KCNN2: variants seen among roughly 807,000 people sequenced by gnomAD.
KCNN2 encodes potassium calcium-activated channel subfamily N member 2, also known as small conductance calcium-activated potassium channel protein 2.
In KCNN2, 24 loss-of-function variants were observed where a neutral mutation model predicts 55.5. That is an observed-to-expected ratio of 0.43 (90% CI 0.31 to 0.61). The LOEUF (loss-of-function observed/expected upper bound fraction) is 0.61. KCNN2 is among the 20% of genes least tolerant of loss of function. The probability of loss-of-function intolerance (pLI) is 0.08; values close to 1 mark genes in which losing one functional copy is unlikely to be tolerated. For missense variants in KCNN2, 754 were observed against 853.6 expected (o/e 0.88, Z 1.45); for synonymous variants, 431 against 336.1 (o/e 1.28, Z -3.09).
chr5:114,328,046 T>C (rs754915753), intron 2 of KCNN2, among the ~76,000 whole-genome samples: 10 of 152,230 alleles, frequency 6.6e-5, no homozygotes, highest in Non-Finnish European at 1.3e-4. Context: ...CATTAGTAAA[T>C]GTTATGTACT....
intron 2 of KCNN2, among the ~76,000 whole-genome samples, chr5:114,394,172 A>G (rs946266008): frequency 1.3e-5 from 2 of 152,192 alleles, no homozygotes. Flanking sequence ...TTAACATGTA[A>G]TAAAACTTTT....
chr5:114,477,450 C>T (rs1561408933), intron 5 of KCNN2, among the ~76,000 whole-genome samples: 2 of 152,086 alleles, frequency 1.3e-5, no homozygotes, highest in Admixed American at 1.3e-4. Flanking sequence ...TACATCAGCA[C>T]TGAGAAGATT....
chr5:114,113,535 T>A (rs922709634), intron 1 of KCNN2, among the ~76,000 whole-genome samples: 1 of 152,066 alleles, frequency 6.6e-6, no homozygotes, highest in Non-Finnish European at 1.5e-5. Flanking sequence ...AAATTTTATC[T>A]GACGTTAGCT....
At chr5:114,393,885 C>G (rs1032295191) in intron 2 of KCNN2, among the ~76,000 whole-genome samples, 1 of 151,748 alleles carries the variant, frequency 6.6e-6, no homozygotes, top group African/African-American at 2.4e-5. Flanking sequence ...TATGGCCATT[C>G]ATAATTCATT....
At chr5:114,073,463 A>G (rs1421806592) in intron 1 of KCNN2, among the ~76,000 whole-genome samples, 6 of 152,172 alleles carry the variant, frequency 3.9e-5, no homozygotes, top group Non-Finnish European at 4.4e-5. Context: ...TTTTGCTATT[A>G]TAGCTTATTG....
chr5:114,140,238 A>G (rs1320913662), intron 1 of KCNN2, among the ~76,000 whole-genome samples: 1 of 152,200 alleles, frequency 6.6e-6, no homozygotes, highest in Non-Finnish European at 1.5e-5. Flanking sequence ...TCTTGATATT[A>G]ATATCTTTGA....
chr5:114,354,924 A>G (rs1561582319), intron 2 of KCNN2, among the ~76,000 whole-genome samples: 1 of 152,210 alleles, frequency 6.6e-6, no homozygotes, highest in African/African-American at 2.4e-5. Flanking sequence ...CCATAAGACA[A>G]AACAGCAGTA....
chr5:114,253,752 T>A (rs1230916728), intron 2 of KCNN2: 1 of 152,240 alleles, frequency 6.6e-6, no homozygotes, highest in African/African-American at 2.4e-5. Flanking sequence ...TTTACATTAT[T>A]GTCTCTTCTC....
intron 2 of KCNN2, among the ~76,000 whole-genome samples, chr5:114,338,332 C>G (rs570276789): frequency 6.6e-6 from 1 of 152,122 alleles, no homozygotes; most frequent in Non-Finnish European, 1.5e-5. Flanking sequence ...AATATGTACA[C>G]GTATGTAGGG....
chr5:114,329,375 A>T (rs921880964), intron 2 of KCNN2, among the ~76,000 whole-genome samples: 1 of 152,188 alleles, frequency 6.6e-6, no homozygotes, highest in Non-Finnish European at 1.5e-5. Context: ...GGCATCATCT[A>T]ATCAGCTGCC....
intron 2 of KCNN2, among the ~76,000 whole-genome samples, chr5:114,288,379 CTG>C: frequency 6.6e-6 from 1 of 152,046 alleles, no homozygotes; most frequent in Non-Finnish European, 1.5e-5. Context: ...TGTGGAAATT[CTG>C]TGTTAAACTT....
intron 3 of KCNN2, among the ~76,000 whole-genome samples, chr5:114,428,389 C>T (rs931631345): frequency 6.6e-6 from 1 of 152,070 alleles, no homozygotes; most frequent in Non-Finnish European, 1.5e-5. Context: ...CCTTATTATG[C>T]TAATGGAATA....
chr5:114,350,718 T>G (rs1278580411), intron 2 of KCNN2, among the ~76,000 whole-genome samples: 2 of 151,864 alleles, frequency 1.3e-5, no homozygotes, highest in Non-Finnish European at 3.0e-5. Flanking sequence ...GATTGTTCTA[T>G]CCCCCAATGA....
chr5:114,091,970 C>G (rs996981392), intron 1 of KCNN2, among the ~76,000 whole-genome samples: 1 of 152,152 alleles, frequency 6.6e-6, no homozygotes, highest in African/African-American at 2.4e-5. Context: ...CTGGCCCCTT[C>G]CAAATCTCAT....
At chr5:114,325,741 G>A (rs747819889) in intron 2 of KCNN2, among the ~76,000 whole-genome samples, 7 of 152,184 alleles carry the variant, frequency 4.6e-5, no homozygotes, top group Non-Finnish European at 1.0e-4. Flanking sequence ...GAAACAGGAA[G>A]CAGAGTTCAT....
chr5:114,097,155 G>C (rs1178164647), intron 1 of KCNN2, among the ~76,000 whole-genome samples: 2 of 152,130 alleles, frequency 1.3e-5, no homozygotes, highest in Non-Finnish European at 2.9e-5. Flanking sequence ...ACATTGTTCG[G>C]GAAATATGCT....
At chr5:114,291,262 A>C (rs1466300994) in intron 2 of KCNN2, among the ~76,000 whole-genome samples, 1 of 152,016 alleles carries the variant, frequency 6.6e-6, no homozygotes, top group African/African-American at 2.4e-5. Context: ...ATATATATAC[A>C]TGTGCCATGT....
chr5:114,413,690 T>C (rs1409818651), intron 3 of KCNN2, among the ~76,000 whole-genome samples: 1 of 152,170 alleles, frequency 6.6e-6, no homozygotes, highest in Non-Finnish European at 1.5e-5. Context: ...AGAATGCAGA[T>C]TGAAAATACC....
At chr5:114,130,848 T>C (rs934550225) in intron 1 of KCNN2, among the ~76,000 whole-genome samples, 12 of 152,182 alleles carry the variant, frequency 7.9e-5, no homozygotes, top group Non-Finnish European at 1.8e-4. Context: ...TGCACATGCT[T>C]TTATATAACG....
Sources: allele counts gnomAD v4.1 joint callset (sites outside exome capture counted in the v4.1 genomes callset), GRCh38; gene constraint gnomAD v4.1.1; transcripts MANE v1.5; gene names NCBI Gene and HGNC (gene_info 2026-07-23, HGNC 2026-07-21).